DYNC1I1: variants seen among roughly 807,000 people sequenced by gnomAD.
DYNC1I1 encodes dynein cytoplasmic 1 intermediate chain 1.
In DYNC1I1, 43 loss-of-function variants were observed where a neutral mutation model predicts 86.6. That is an observed-to-expected ratio of 0.50 (90% CI 0.39 to 0.64). The LOEUF (loss-of-function observed/expected upper bound fraction) is 0.64, where lower values mean the gene tolerates loss of function less well. DYNC1I1 is among the 30% of genes least tolerant of loss of function. The pLI is 0.00. For missense variants in DYNC1I1, 604 were observed against 788.8 expected, an observed-to-expected ratio of 0.77 and a Z score of 2.81; for synonymous variants, 262 against 283.7, an observed-to-expected ratio of 0.92 and a Z score of 0.77.
intron 4 of DYNC1I1, among the ~76,000 whole-genome samples, chr7:95,820,722 C>G (rs971253370): frequency 6.6e-6 from 1 of 152,220 alleles, no homozygotes; most frequent in Non-Finnish European, 1.5e-5. Context: ...CACCACAAAT[C>G]AGCAATATGT....
chr7:95,891,970 T>G (rs1584133570), intron 6 of DYNC1I1, among the ~76,000 whole-genome samples: 1 of 6,164 alleles, frequency 1.6e-4, no homozygotes, highest in Admixed American at 2.8e-3. Flanking sequence ...TTTTTGTAAC[T>G]TTTTTTTTTC....
At chr7:95,858,991 TTATTATA>T (rs1222052164) in intron 5 of DYNC1I1, among the ~76,000 whole-genome samples, 1 of 147,190 alleles carries the variant, frequency 6.8e-6, no homozygotes, top group Non-Finnish European at 1.5e-5. Flanking sequence ...ATTAATGTAT[TTATTATA>T]TATTATATTA....
intron 6 of DYNC1I1, among the ~76,000 whole-genome samples, chr7:95,910,825 G>A (rs1791314231): frequency 6.6e-6 from 1 of 152,186 alleles, no homozygotes; most frequent in African/African-American, 2.4e-5. Context: ...AATGAAATCA[G>A]ATCATACATA....
At chr7:95,890,692 C>T (rs1368505392) in intron 6 of DYNC1I1, among the ~76,000 whole-genome samples, 9 of 152,198 alleles carry the variant, frequency 5.9e-5, no homozygotes, top group Admixed American at 3.3e-4. Context: ...CAGTGTGCAT[C>T]GCAGTCACCA....
At chr7:95,846,161 T>A (rs766321029) in intron 5 of DYNC1I1, among the ~76,000 whole-genome samples, 4 of 152,204 alleles carry the variant, frequency 2.6e-5, no homozygotes, top group Non-Finnish European at 4.4e-5. Flanking sequence ...ATAATCATTG[T>A]CATTTATATA....
chr7:96,067,093 TTTGG>T (rs1790015149), intron 14 of DYNC1I1, among the ~76,000 whole-genome samples: 1 of 152,134 alleles, frequency 6.6e-6, no homozygotes, highest in Admixed American at 6.5e-5. Flanking sequence ...TTTTGAACAT[TTTGG>T]TAAATGTTCA....
intron 6 of DYNC1I1, among the ~76,000 whole-genome samples, chr7:95,874,745 AAG>A (rs1431199573): frequency 4.6e-5 from 7 of 152,176 alleles, no homozygotes; most frequent in African/African-American, 1.7e-4. Flanking sequence ...GCGAGCCAGA[AAG>A]AGAGCTTTCA....
At chr7:95,788,436 G>T (rs551668223) in intron 1 of DYNC1I1, among the ~76,000 whole-genome samples, 1 of 152,316 alleles carries the variant, frequency 6.6e-6, no homozygotes, top group African/African-American at 2.4e-5. Context: ...AGTTGCCTTT[G>T]AAGTGGGGAA....
At chr7:95,882,062 T>C (rs1209292960) in intron 6 of DYNC1I1, among the ~76,000 whole-genome samples, 1 of 152,170 alleles carries the variant, frequency 6.6e-6, no homozygotes, top group Non-Finnish European at 1.5e-5. Flanking sequence ...TTTCCTTCCT[T>C]TCCTATTTCC....
chr7:95,838,692 T>G (rs1789186409), intron 5 of DYNC1I1, among the ~76,000 whole-genome samples: 1 of 152,150 alleles, frequency 6.6e-6, no homozygotes, highest in African/African-American at 2.4e-5. Context: ...TTTCATTTCT[T>G]TGTCTTCAAT....
intron 4 of DYNC1I1, among the ~76,000 whole-genome samples, chr7:95,819,503 C>T (rs1018074333): frequency 6.6e-6 from 1 of 151,970 alleles, no homozygotes; most frequent in African/African-American, 2.4e-5. Flanking sequence ...GGACTTGACC[C>T]ATTTGGGTGA....
intron 6 of DYNC1I1, among the ~76,000 whole-genome samples, chr7:95,955,875 C>T (rs1792697905): frequency 6.6e-6 from 1 of 152,082 alleles, no homozygotes; most frequent in South Asian, 2.1e-4. Flanking sequence ...AAATCTGGCT[C>T]CACTTTTATG....
chr7:95,955,328 A>AT (rs934550272), intron 6 of DYNC1I1, among the ~76,000 whole-genome samples: 134 of 148,770 alleles, frequency 9.0e-4, no homozygotes, highest in African/African-American at 2.7e-3. Context: ...TATTTTATGA[A>AT]TTTTTTTTTT....
chr7:95,824,184 GTT>G (rs150147654), intron 4 of DYNC1I1, among the ~76,000 whole-genome samples: 11,010 of 151,064 alleles, frequency 0.073, 498 homozygotes, highest in Non-Finnish European at 0.096. Flanking sequence ...TAGATGCAGA[GTT>G]TCGTCGTGTC....
At chr7:95,845,068 T>G (rs1042708148) in intron 5 of DYNC1I1, among the ~76,000 whole-genome samples, 1 of 152,196 alleles carries the variant, frequency 6.6e-6, no homozygotes, top group African/African-American at 2.4e-5. Context: ...AGATGAGAGT[T>G]GGTCAGATCA....
chr7:95,797,376 G>A (rs1490334671), intron 1 of DYNC1I1, among the ~76,000 whole-genome samples: 1 of 152,106 alleles, frequency 6.6e-6, no homozygotes, highest in African/African-American at 2.4e-5. Flanking sequence ...TAAAGTTTGA[G>A]CTTTCAAGCA....
chr7:95,823,993 GTTT>G (rs10550145), intron 4 of DYNC1I1, among the ~76,000 whole-genome samples: 3,879 of 78,432 alleles, frequency 0.049, 424 homozygotes, highest in Admixed American at 0.17. Flanking sequence ...TTGGTTTTTT[GTTT>G]TTTTTTTTTT....
At chr7:95,979,376 C>T (rs149427454) in intron 7 of DYNC1I1, among the ~76,000 whole-genome samples, 2 of 152,320 alleles carry the variant, frequency 1.3e-5, no homozygotes, top group Non-Finnish European at 2.9e-5. Flanking sequence ...AAAAACTCAA[C>T]AGGGCTAGTA....
intron 6 of DYNC1I1, among the ~76,000 whole-genome samples, chr7:95,945,000 G>A (rs1331433308): frequency 1.3e-5 from 2 of 150,208 alleles, no homozygotes; most frequent in African/African-American, 2.5e-5. Context: ...TTGTGCACAT[G>A]TACCCTAAAA....
Sources: gnomAD v4.1 joint callset for allele counts (sites outside exome capture counted in the v4.1 genomes callset) on GRCh38, gnomAD v4.1.1 for gene constraint, MANE v1.5 for transcripts, NCBI Gene and HGNC (gene_info 2026-07-23, HGNC 2026-07-21) for gene names.